Variants in ADGRL3 observed in about 807,000 individuals in gnomAD.
The protein encoded by ADGRL3 is adhesion G protein-coupled receptor L3.
Under a neutral mutation model 153.5 loss-of-function variants are expected in ADGRL3, and 62 were observed. The observed-to-expected ratio is 0.40, with a 90% CI of 0.33 to 0.50. ADGRL3 has a LOEUF of 0.50. Among genes scored for constraint, ADGRL3 ranks in the 20% least tolerant of loss-of-function variants. The pLI is 0.47. For synonymous variants in ADGRL3, 710 were observed against 672.5 expected, an observed-to-expected ratio of 1.06 and a Z score of -0.86; for missense variants, 1,641 against 1,859.4, an observed-to-expected ratio of 0.88 and a Z score of 2.16.
Position 61,489,725 on chromosome 4 carries a change from A to G in ADGRL3, c.-173-7396A>G, listed in dbSNP as rs561476440. 2.0e-5 allele frequency among the ~76,000 whole-genome samples: 3 copies of G among 152,078 alleles called. No individual in the cohort carries two copies. The East Asian group carries it at 5.8e-4, about 29-fold the overall frequency. On this transcript the variant is annotated intron_variant, in intron 2 of 26. Coordinates refer to ENST00000683033, the MANE Select transcript of ADGRL3 (RefSeq NM_001387552.1). ...TTATTAATATACTGATTCATTTAACACCTCTATTGATTCAGGCTCCTCATA... is the reference window on the plus strand; with the variant it reads ...TTATTAATATACTGATTCATTTAACGCCTCTATTGATTCAGGCTCCTCATA...
intron 8 of ADGRL3, among the ~76,000 whole-genome samples, chr4:61,798,404 T>C (rs1269469338): frequency 6.6e-6 from 1 of 152,166 alleles, no homozygotes; most frequent in Non-Finnish European, 1.5e-5. Context: ...TGTGTCTACA[T>C]TTACATACAC....
intron 5 of ADGRL3, among the ~76,000 whole-genome samples, chr4:61,670,870 C>T (rs1368427394): frequency 6.6e-6 from 1 of 152,170 alleles, no homozygotes; most frequent in African/African-American, 2.4e-5. Context: ...AGTCACAATG[C>T]TCATAGAATT....
chr4:61,522,473 G>A (rs1386187763), intron 4 of ADGRL3, among the ~76,000 whole-genome samples: 1 of 152,106 alleles, frequency 6.6e-6, no homozygotes, highest in African/African-American at 2.4e-5. Flanking sequence ...CAAAAAGGAA[G>A]TGCTTTCAAA....
At chr4:61,351,690 A>G (rs1367540609) in intron 1 of ADGRL3, among the ~76,000 whole-genome samples, 1 of 152,114 alleles carries the variant, frequency 6.6e-6, no homozygotes, top group African/African-American at 2.4e-5. Context: ...AGCCTGGATG[A>G]CAGCACATCT....
At chr4:61,683,790 C>G (rs1235000962) in intron 6 of ADGRL3, among the ~76,000 whole-genome samples, 1 of 152,032 alleles carries the variant, frequency 6.6e-6, no homozygotes, top group Non-Finnish European at 1.5e-5. Flanking sequence ...GGGGACCCAC[C>G]CCTATCTGCC....
At chr4:61,439,066 A>G (rs576039485) in intron 2 of ADGRL3, among the ~76,000 whole-genome samples, 106 of 152,270 alleles carry the variant, frequency 7.0e-4, no homozygotes, top group Non-Finnish European at 1.3e-3. Context: ...CAGAAAAAAA[A>G]GATACTGAGC....
At chr4:61,921,861 A>T (rs1309765387) in intron 13 of ADGRL3, among the ~76,000 whole-genome samples, 1 of 152,208 alleles carries the variant, frequency 6.6e-6, no homozygotes, top group Non-Finnish European at 1.5e-5. Context: ...GCCGACCCAC[A>T]CAATAGGGTA....
chr4:61,647,623 A>G (rs988595466), intron 5 of ADGRL3, among the ~76,000 whole-genome samples: 9 of 152,300 alleles, frequency 5.9e-5, no homozygotes, highest in East Asian at 1.9e-4. Flanking sequence ...AAAATTCTGC[A>G]TAAGAGCTGA....
At chr4:61,281,229 G>A (rs560868133) in intron 1 of ADGRL3, among the ~76,000 whole-genome samples, 70 of 151,934 alleles carry the variant, frequency 4.6e-4, no homozygotes, top group South Asian at 8.3e-4. Context: ...AGGTAGTACC[G>A]AATGGGGTAC....
chr4:61,610,414 G>C (rs2149673672), intron 5 of ADGRL3, among the ~76,000 whole-genome samples: 1 of 152,244 alleles, frequency 6.6e-6, no homozygotes, highest in South Asian at 2.1e-4. Flanking sequence ...ATTTAGACAT[G>C]ATAGATCATC....
At position 62,073,828 on chromosome 4, in the gene ADGRL3, C is replaced by T. The variant is rs374654437; in HGVS notation, c.*2920C>T. Reference sequence around the variant, plus strand: ...AGTGAGATTTTTGAACTCTATACATCATAAATGGCATGCTTTCAGAGAGAC... The same window carrying T: ...AGTGAGATTTTTGAACTCTATACATTATAAATGGCATGCTTTCAGAGAGAC... On this transcript the variant is annotated 3_prime_UTR_variant, in exon 27 of 27. Coordinates refer to ENST00000683033, the MANE Select transcript of ADGRL3 (RefSeq NM_001387552.1). The T allele has an allele frequency of 4.6e-5, 7 of 151,996 alleles. 1 individual carries two copies. The East Asian group carries it at 1.2e-3, about 25-fold the overall frequency. 9.4% of individuals were successfully genotyped at this position (151,996 alleles called of 1,614,324 possible). A position where few individuals can be genotyped will look rare whatever the true frequency, so the allele number is the denominator to read the frequency against.
chr4:61,645,779 T>C (rs1367577365), intron 5 of ADGRL3, among the ~76,000 whole-genome samples: 2 of 152,024 alleles, frequency 1.3e-5, no homozygotes, highest in African/African-American at 4.8e-5. Context: ...GTTGCTCTTC[T>C]TGAGGAATAT....
At position 61,202,077 on chromosome 4, in the gene ADGRL3, G is replaced by C. The variant is rs1285035955; in HGVS notation, c.-240+312G>C. 6.6e-6 allele frequency: 1 copy of C among 152,528 alleles called. No homozygotes were observed. The highest frequency in any genetic ancestry group is 1.5e-5 in the Non-Finnish European group (1 of 68,262). 9.4% of individuals were successfully genotyped at this position (152,528 alleles called of 1,614,324 possible). On this transcript the variant is annotated intron_variant, in intron 1 of 26. Coordinates refer to ENST00000683033, the MANE Select transcript of ADGRL3 (RefSeq NM_001387552.1). The surrounding 1 kb of genome is among the most constrained non-coding windows in gnomAD (Gnocchi z 5.0). Reference sequence around the variant, plus strand: ...TCGCAGCTGCACACGCTGGGGAATAGGAACAGTTCCCACCCCGTTAATTTT... The same window carrying C: ...TCGCAGCTGCACACGCTGGGGAATACGAACAGTTCCCACCCCGTTAATTTT...
intron 8 of ADGRL3, among the ~76,000 whole-genome samples, chr4:61,754,616 A>ATATATT (rs559538357): frequency 5.3e-5 from 8 of 151,008 alleles, no homozygotes; most frequent in African/African-American, 1.9e-4. Context: ...GTATATATAT[A>ATATATT]TATTTATTTA....
chr4:61,582,640 A>G lies in ADGRL3; in HGVS notation c.260-4587A>G, dbSNP rs377578820. On this transcript the variant is annotated intron_variant, in intron 4 of 26. Coordinates refer to ENST00000683033, the MANE Select transcript of ADGRL3 (RefSeq NM_001387552.1). ...GATCGCTAAATATGTAGAGCAATGC[A>G]TGAAAAAAAAAAACAGATTTGACTA... Among the ~76,000 whole-genome samples, 362 of 151,202 alleles carry G rather than the reference A, an allele frequency of 2.4e-3. 1 individual carries two copies. Among genetic ancestry groups the G allele is most frequent in the African/African-American group, 8.6e-3 (349 of 40,812 alleles).
intron 5 of ADGRL3, among the ~76,000 whole-genome samples, chr4:61,668,637 G>T (rs548504929): frequency 6.6e-6 from 1 of 152,258 alleles, no homozygotes; most frequent in African/African-American, 2.4e-5. Flanking sequence ...ATGAATCACA[G>T]ATCTTCATTT....
chr4:61,404,659 TA>T (rs1180571702), intron 2 of ADGRL3, among the ~76,000 whole-genome samples: 3 of 152,086 alleles, frequency 2.0e-5, no homozygotes, highest in Non-Finnish European at 4.4e-5. Context: ...CCACCCTGAA[TA>T]AAAATTATAA....
intron 8 of ADGRL3, among the ~76,000 whole-genome samples, chr4:61,749,982 A>G (rs907713125): frequency 3.3e-5 from 5 of 152,094 alleles, no homozygotes; most frequent in Admixed American, 6.5e-5. Flanking sequence ...AAGTCAGAAG[A>G]TGAATGATTC....
At chr4:61,679,922 A>C (rs2095296374) in intron 6 of ADGRL3, among the ~76,000 whole-genome samples, 1 of 152,004 alleles carries the variant, frequency 6.6e-6, no homozygotes, top group South Asian at 2.1e-4. Context: ...AAAGTGTTTC[A>C]AGGGCCCAAG....
Sources: gnomAD v4.1 joint callset for allele counts (sites outside exome capture counted in the v4.1 genomes callset) on GRCh38, gnomAD v4.1.1 for gene constraint, Gnocchi (gnomAD v3.1) non-coding constraint, MANE v1.5 for transcripts, NCBI Gene and HGNC (gene_info 2026-07-23, HGNC 2026-07-21) for gene names.